Variants in NSF observed in about 807,000 individuals in gnomAD.
NSF encodes the protein vesicle-fusing ATPase.
A neutral mutation model predicts 50.3 loss-of-function variants in NSF; 14 were observed. The observed-to-expected ratio is 0.28, with a 90% CI of 0.18 to 0.44. NSF has a LOEUF of 0.44. Ranked by LOEUF, NSF falls within the 20% of genes least tolerant of loss-of-function variation. The pLI is 1.00. For missense variants in NSF, 218 were observed against 504.3 expected, an observed-to-expected ratio of 0.43 and a Z score of 5.44; for synonymous variants, 109 against 175.7, an observed-to-expected ratio of 0.62 and a Z score of 3.00.
chr17:46,754,971 T>C (rs545067709), intron 19 of NSF, among the ~76,000 whole-genome samples: 3 of 152,360 alleles, frequency 2.0e-5, no homozygotes, highest in African/African-American at 4.8e-5. Flanking sequence ...AACAGGTGAA[T>C]TGGTTGTCAT....
rs540202656 is a variant in NSF at position 46,724,285 on chromosome 17, C to T, written c.1762-2264C>T. Among the ~76,000 whole-genome samples, 207 of 152,174 alleles carry T rather than the reference C, an allele frequency of 1.4e-3. 1 individual carries two copies. The highest frequency in any genetic ancestry group is 4.6e-3 in the African/African-American group (190 of 41,506). ...AGTTATGCTGCATGAAAGGACAACC[C>T]GAAAATCTCAGTGGCTTAACACAAC... is the stretch of plus-strand genomic sequence containing the variant. On this transcript the variant is annotated intron_variant, in intron 15 of 20. Coordinates refer to ENST00000398238, the MANE Select transcript of NSF (RefSeq NM_006178.4).
At chr17:46,684,401 T>C (rs1209008058) in intron 9 of NSF, among the ~76,000 whole-genome samples, 1 of 151,524 alleles carries the variant, frequency 6.6e-6, no homozygotes, top group Non-Finnish European at 1.5e-5. Context: ...AAGTCTTTGC[T>C]ATTGTGAACA....
At chr17:46,750,738 G>C (rs1199865496) in intron 18 of NSF, among the ~76,000 whole-genome samples, 1 of 152,096 alleles carries the variant, frequency 6.6e-6, no homozygotes, top group Non-Finnish European at 1.5e-5. Context: ...GTGGTGGTGT[G>C]GGGGTAAGGT....
intron 9 of NSF, among the ~76,000 whole-genome samples, chr17:46,680,203 TGAA>T (rs1309690453): frequency 8.0e-5 from 12 of 150,096 alleles, no homozygotes; most frequent in Non-Finnish European, 1.3e-4. Flanking sequence ...TGAAGAATAA[TGAA>T]GATTTACTTT....
At chr17:46,676,289 A>G (rs1950691712) in intron 9 of NSF, among the ~76,000 whole-genome samples, 1 of 141,780 alleles carries the variant, frequency 7.1e-6, no homozygotes, top group African/African-American at 2.8e-5. Context: ...CTGGAGTGCA[A>G]TGGCGTGATC....
chr17:46,724,156 T>G (rs1445606862), intron 15 of NSF, among the ~76,000 whole-genome samples: 1 of 152,200 alleles, frequency 6.6e-6, no homozygotes, highest in African/African-American at 2.4e-5. Flanking sequence ...CCCTTTCCAC[T>G]GGTTAACTGT....
At chr17:46,733,733 T>G (rs948770707) in intron 17 of NSF, among the ~76,000 whole-genome samples, 1 of 152,212 alleles carries the variant, frequency 6.6e-6, no homozygotes, top group African/African-American at 2.4e-5. Flanking sequence ...CATTTGAAGC[T>G]CAACGATTGG....
chr17:46,707,304 G>T (rs547649713), intron 13 of NSF, among the ~76,000 whole-genome samples: 1 of 152,238 alleles, frequency 6.6e-6, no homozygotes, highest in Non-Finnish European at 1.5e-5. Flanking sequence ...TCTTTTGCCT[G>T]TTTTTCTGTT....
chr17:46,716,624 TTA>T (rs1181381714), intron 15 of NSF, among the ~76,000 whole-genome samples: 1 of 152,132 alleles, frequency 6.6e-6, no homozygotes, highest in Non-Finnish European at 1.5e-5. Context: ...CACAAATAAT[TTA>T]TAGAGTTTTA....
At chr17:46,608,309 C>CA (rs2057970774) in intron 1 of NSF, among the ~76,000 whole-genome samples, 1 of 55,364 alleles carries the variant, frequency 1.8e-5, no homozygotes, top group African/African-American at 9.6e-5. Context: ...GACTCTGTCT[C>CA]AAAAAAAGAA....
intron 20 of NSF, 56 bp downstream of exon 20, chr17:46,755,425 C>A: frequency 1.5e-6 from 2 of 1,356,418 alleles, no homozygotes; most frequent in Non-Finnish European, 2.1e-6. Flanking sequence ...CTGTTAAATC[C>A]CTGTGCCTAT....
At chr17:46,691,404 G>C (rs895497670) in intron 9 of NSF, among the ~76,000 whole-genome samples, 1 of 111,106 alleles carries the variant, frequency 9.0e-6, no homozygotes, top group African/African-American at 3.8e-5. Flanking sequence ...AGACCAGCCT[G>C]GCAAACATGG....
At chr17:46,743,095 G>C (rs555384034) in intron 17 of NSF, among the ~76,000 whole-genome samples, 2 of 152,068 alleles carry the variant, frequency 1.3e-5, no homozygotes, top group East Asian at 3.9e-4. Flanking sequence ...TCCTTCGGAG[G>C]GGGTGTCTGA....
chr17:46,611,807 A>AT (rs1340958757), intron 1 of NSF, among the ~76,000 whole-genome samples: 1 of 139,112 alleles, frequency 7.2e-6, no homozygotes, highest in East Asian at 2.1e-4. Flanking sequence ...TTAAATGGTG[A>AT]TTTTTAAAGA....
intron 16 of NSF, among the ~76,000 whole-genome samples, chr17:46,727,095 CTCT>C (rs1452928445): frequency 6.6e-6 from 1 of 152,204 alleles, no homozygotes; most frequent in Non-Finnish European, 1.5e-5. Context: ...TATAATCCCT[CTCT>C]TGCTTATCCC....
intron 13 of NSF, among the ~76,000 whole-genome samples, chr17:46,707,664 G>C (rs945669509): frequency 6.6e-6 from 1 of 152,040 alleles, no homozygotes; most frequent in Non-Finnish European, 1.5e-5. Context: ...CTTATTTGAC[G>C]TAGCATAATG....
At chr17:46,602,784 A>C (rs1428944299) in intron 1 of NSF, among the ~76,000 whole-genome samples, 1 of 146,346 alleles carries the variant, frequency 6.8e-6, no homozygotes, top group African/African-American at 2.6e-5. Context: ...AATAATATTG[A>C]TATAATTTTG....
rs752353812 is a variant in NSF, at chr17:46,708,804, T to TTATATATA, written c.1471-2147_1471-2140dup. Among the ~76,000 whole-genome samples the TTATATATA allele has an allele frequency of 3.3e-3, 213 of 64,334 alleles. 3 individuals are homozygous for TTATATATA. Among genetic ancestry groups the TTATATATA allele is most frequent in the Middle Eastern group, 0.01 (1 of 98 alleles). 42.2% of individuals were successfully genotyped at this position (64,334 alleles called of 152,430 possible). On this transcript the variant is annotated intron_variant, in intron 13 of 20. Coordinates refer to ENST00000398238, the MANE Select transcript of NSF (RefSeq NM_006178.4). ...CCACTGCACTTGGCCACCATTTATT[T>TTATATATA]TATATATATATATATATATTTTTTT... is the stretch of plus-strand genomic sequence containing the variant.
chr17:46,622,246 A>G (rs1390233760), intron 1 of NSF, among the ~76,000 whole-genome samples: 1 of 144,032 alleles, frequency 6.9e-6, no homozygotes, highest in East Asian at 2.2e-4. Context: ...TCACAAGGTC[A>G]GGAGATCGAG....
Sources: gnomAD v4.1 joint callset for allele counts (sites outside exome capture counted in the v4.1 genomes callset) on GRCh38, gnomAD v4.1.1 for gene constraint, MANE v1.5 for transcripts, NCBI Gene and HGNC (gene_info 2026-07-23, HGNC 2026-07-21) for gene names.